The following SPTB variants were observed in gnomAD, a reference collection of about 807,000 sequenced individuals.
SPTB encodes spectrin beta, erythrocytic.
In SPTB, 45 loss-of-function variants were observed where a neutral mutation model predicts 256.2. That is an observed-to-expected ratio of 0.18 (90% CI 0.14 to 0.23). The LOEUF is 0.23. SPTB is among the 10% of genes least tolerant of loss of function. SPTB has a pLI of 1.00. For synonymous variants in SPTB, 1,231 were observed against 1,243.1 expected (o/e 0.99, Z 0.21); for missense variants, 2,715 against 3,040.4 (o/e 0.89, Z 2.52).
At chr14:64,871,304 A>G (rs939073001) in intron 1 of SPTB, among the ~76,000 whole-genome samples, 1 of 152,194 alleles carries the variant, frequency 6.6e-6, no homozygotes, top group Non-Finnish European at 1.5e-5. Flanking sequence ...AGGACTCAGT[A>G]AGCAGAAGTG....
intron 15 of SPTB, among the ~76,000 whole-genome samples, chr14:64,791,273 G>C (rs1175340280): frequency 6.6e-6 from 1 of 152,136 alleles, no homozygotes; most frequent in Non-Finnish European, 1.5e-5. Flanking sequence ...GGCTGAGACA[G>C]ACAGGAATGT....
At chr14:64,804,266 A>G (rs1227142558) in intron 3 of SPTB, among the ~76,000 whole-genome samples, 2 of 152,174 alleles carry the variant, frequency 1.3e-5, no homozygotes, top group Non-Finnish European at 2.9e-5. Context: ...TGGAATTTCA[A>G]TGCAGGGTGA....
At position 64,827,670 on chromosome 14, in the gene SPTB, G is replaced by A. The variant is rs1446384421; in HGVS notation, c.-51-4525C>T. 6.6e-6 allele frequency among the ~76,000 whole-genome samples: 1 copy of A among 152,116 alleles called. No individual in the cohort carries two copies. The highest frequency in any genetic ancestry group is 1.5e-5 in the Non-Finnish European group (1 of 68,028). On this transcript the variant is annotated intron_variant, in intron 1 of 35. Coordinates refer to ENST00000644917, the MANE Select transcript of SPTB (RefSeq NM_001355436.2). The surrounding 1 kb of genome is among the most constrained non-coding windows in gnomAD (Gnocchi z 4.6). ...TAGTCAAATACACAAAAACACATGT[G>A]CACACACTCACTAGAATGAGAAGCA...
chr14:64,816,364 TCTG>T lies in SPTB; in HGVS notation c.148+6580_148+6582del, dbSNP rs758332499. 2.0e-5 allele frequency among the ~76,000 whole-genome samples: 3 copies of T among 152,306 alleles called. No individual in the cohort carries two copies. The highest frequency in any genetic ancestry group is 6.5e-5 in the Admixed American group (1 of 15,298). On this transcript the variant is annotated intron_variant, in intron 2 of 35. Coordinates refer to ENST00000644917, the MANE Select transcript of SPTB (RefSeq NM_001355436.2). The surrounding 1 kb of genome is among the most constrained non-coding windows in gnomAD (Gnocchi z 4.2). ...CACAGCCACCCCTTTTGAGTTTTTC[TCTG>T]CTTCCTGCCCAGGACCTTGGCAACA...
Position 64,792,945 on chromosome 14 carries a change from G to A in SPTB, c.2666+52C>T, listed in dbSNP as rs2082699523. ...ACTATTACCAAACTAGGTGGGAGAT[G>A]GTGCCCAGGCCTGGGTACAGGGACG... On this transcript the variant is annotated intron_variant, in intron 14 of 35. Transcript: ENST00000644917. This position sits in a 1 kb window ranked among gnomAD's most constrained non-coding sequence, Gnocchi z 4.2. 1 of 1,612,376 alleles carries A rather than the reference G, an allele frequency of 6.2e-7. No individual in the cohort carries two copies. Among genetic ancestry groups the A allele is most frequent in the African/African-American group, 1.3e-5 (1 of 74,998 alleles).
chr14:64,776,688 C>T (rs1156396884), intron 22 of SPTB, among the ~76,000 whole-genome samples: 3 of 152,186 alleles, frequency 2.0e-5, no homozygotes, highest in African/African-American at 4.8e-5. Context: ...GCGATCCACC[C>T]GCTTCGGCCT....
At chr14:64,774,367 T>A in intron 24 of SPTB, 30 bp downstream of exon 24, 1 of 1,576,846 alleles carries the variant, frequency 6.3e-7, no homozygotes, top group Non-Finnish European at 8.6e-7. Flanking sequence ...CCCCATCTCC[T>A]GACCGAGTCA....
intron 15 of SPTB, among the ~76,000 whole-genome samples, chr14:64,787,641 G>C (rs1161118941): frequency 6.6e-6 from 1 of 152,216 alleles, no homozygotes; most frequent in Non-Finnish European, 1.5e-5. Context: ...TTGGATCTAA[G>C]AGAAAAGATG....
intron 1 of SPTB, among the ~76,000 whole-genome samples, chr14:64,833,169 C>T (rs1212731736): frequency 2.0e-5 from 3 of 152,326 alleles, no homozygotes; most frequent in African/African-American, 4.8e-5. Flanking sequence ...TTTGCACATG[C>T]TGTTTCCTAA....
At chr14:64,856,392 A>G (rs2083873323) in intron 1 of SPTB, among the ~76,000 whole-genome samples, 1 of 152,166 alleles carries the variant, frequency 6.6e-6, no homozygotes, top group Non-Finnish European at 1.5e-5. Context: ...CTCTTCTTCC[A>G]TGAGACTATC....
At chr14:64,774,174 A>C (rs1305013287) in intron 24 of SPTB, among the ~76,000 whole-genome samples, 1 of 152,156 alleles carries the variant, frequency 6.6e-6, no homozygotes, top group Non-Finnish European at 1.5e-5. Flanking sequence ...TTCTCTGATC[A>C]TTTCGAAAAC....
At position 64,793,398 on chromosome 14, in the gene SPTB, C is replaced by T. The variant is rs2082710158; in HGVS notation, c.2265G>A (p.Leu755=). The stretch of plus-strand genomic sequence containing the variant: ...GGTGGGCGTCTTGCAGCCAAGCCTT[C>T]AGGTCATCCGCATCGCCCTGGAACT... ...FFQFQGDADD[L]KAWLQDAHRL... The change falls in exon 14 of 36, where the codon CTG becomes CTA. Residue 755 remains leucine, a synonymous_variant. Transcript: ENST00000644917. The surrounding 1 kb of genome is among the most constrained non-coding windows in gnomAD (Gnocchi z 7.0). 1.2e-6 allele frequency: 2 copies of T among 1,613,304 alleles called. No homozygotes were observed. The highest frequency in any genetic ancestry group is 1.7e-5 in the Admixed American group (1 of 60,014).
At chr14:64,876,867 T>C (rs539655897) in intron 1 of SPTB, among the ~76,000 whole-genome samples, 3 of 152,294 alleles carry the variant, frequency 2.0e-5, no homozygotes, top group East Asian at 1.9e-4. Flanking sequence ...AAGTAAACCA[T>C]ATTGGCCTTG....
chr14:64,791,680 G>C (rs1250484801), intron 15 of SPTB, 39 bp downstream of exon 15: 2 of 1,607,826 alleles, frequency 1.2e-6, no homozygotes, highest in South Asian at 1.1e-5. Context: ...CAGATGTTGA[G>C]AGACAATGCC....
At position 64,817,852 on chromosome 14, in the gene SPTB, G is replaced by A. The variant is rs148130662; in HGVS notation, c.148+5095C>T. Among the ~76,000 whole-genome samples the A allele has an allele frequency of 8.0e-3, 1,222 of 152,354 alleles. 6 individuals are homozygous for A. Among genetic ancestry groups the A allele is most frequent in the Non-Finnish European group, 9.6e-3 (651 of 68,034 alleles). On this transcript the variant is annotated intron_variant, in intron 2 of 35. Transcript: ENST00000644917. ...AGGTGGGCGGGGAGCAGCAGCATCCGAGGAATGTCTGCCAGCCACAGAACT... is the reference window on the plus strand; with the variant it reads ...AGGTGGGCGGGGAGCAGCAGCATCCAAGGAATGTCTGCCAGCCACAGAACT...
chr14:64,877,150 T>TAA (rs111763840), intron 1 of SPTB, among the ~76,000 whole-genome samples: 13 of 138,438 alleles, frequency 9.4e-5, no homozygotes, highest in African/African-American at 2.6e-4. Context: ...ATCTGTTCTT[T>TAA]AAAAAAAAAA....
At chr14:64,822,256 G>GA (rs1201760528) in intron 2 of SPTB, among the ~76,000 whole-genome samples, 1 of 132,668 alleles carries the variant, frequency 7.5e-6, no homozygotes, top group African/African-American at 3.5e-5. Context: ...CACAGGAGTT[G>GA]GGGAAAAAAA....
chr14:64,873,117 C>T lies in SPTB; in HGVS notation c.-52+6675G>A, dbSNP rs1481899487. 2.0e-5 allele frequency among the ~76,000 whole-genome samples: 3 copies of T among 152,144 alleles called. No individual in the cohort carries two copies. Among genetic ancestry groups the T allele is most frequent in the Non-Finnish European group, 4.4e-5 (3 of 68,030 alleles). On this transcript the variant is annotated intron_variant, in intron 1 of 35. Coordinates refer to ENST00000644917, the MANE Select transcript of SPTB (RefSeq NM_001355436.2). The surrounding 1 kb of genome is among the most constrained non-coding windows in gnomAD (Gnocchi z 4.3). ...GAAGCCCCATCAGATAGTGTTTTCC[C>T]AACCACCCTACCTGAAATAGTAGAA... is the stretch of plus-strand genomic sequence containing the variant.
At chr14:64,811,011 G>A (rs2083078231) in intron 2 of SPTB, among the ~76,000 whole-genome samples, 1 of 152,070 alleles carries the variant, frequency 6.6e-6, no homozygotes, top group South Asian at 2.1e-4. Context: ...AGCTATTCAG[G>A]AGGCTGAGGT....
Sources: allele counts gnomAD v4.1 joint callset (sites outside exome capture counted in the v4.1 genomes callset), GRCh38; gene constraint gnomAD v4.1.1; non-coding constraint Gnocchi (gnomAD v3.1); transcripts MANE v1.5; gene names NCBI Gene and HGNC (gene_info 2026-07-23, HGNC 2026-07-21).